The following BCL2L14 variants were observed in gnomAD, a reference collection of about 807,000 sequenced individuals.
The protein encoded by BCL2L14 is BCL2 like 14.
BCL2L14 carries 27 observed loss-of-function variants against 35.3 expected under a neutral mutation model. That is an observed-to-expected ratio of 0.76 (90% CI 0.56 to 1.05). The LOEUF (loss-of-function observed/expected upper bound fraction) is 1.05, where lower values mean the gene tolerates loss of function less well. Ranked by LOEUF, BCL2L14 falls within the 50% of genes least tolerant of loss-of-function variation. BCL2L14 has a pLI of 0.00. For synonymous variants in BCL2L14, 139 were observed against 145.9 expected (o/e 0.95, Z 0.34); for missense variants, 377 against 382.6 (o/e 0.99, Z 0.12).
At chr12:12,053,425 T>TC (rs766874221) in intron 2 of BCL2L14, among the ~76,000 whole-genome samples, 27 of 5,820 alleles carry the variant, frequency 4.6e-3, no homozygotes, top group Middle Eastern at 0.11. Context: ...TTCTTCTTCT[T>TC]TTTTTTTTTT....
intron 1 of BCL2L14, among the ~76,000 whole-genome samples, chr12:12,073,577 C>A (rs73066081): frequency 6.6e-6 from 1 of 151,788 alleles, no homozygotes; most frequent in Non-Finnish European, 1.5e-5. Context: ...CACATGCACA[C>A]GCACACACAA....
intron 4 of BCL2L14, among the ~76,000 whole-genome samples, chr12:12,091,399 G>A (rs1267476504): frequency 2.6e-5 from 4 of 152,188 alleles, no homozygotes; most frequent in African/African-American, 4.8e-5. Context: ...TTCCAATCAG[G>A]AACGGGTGAG....
At chr12:12,077,101 G>A (rs1948797353) in intron 1 of BCL2L14, among the ~76,000 whole-genome samples, 1 of 151,972 alleles carries the variant, frequency 6.6e-6, no homozygotes, top group Non-Finnish European at 1.5e-5. Context: ...GGTATGACAA[G>A]GTACAGTGGA....
intron 4 of BCL2L14, among the ~76,000 whole-genome samples, chr12:12,094,347 T>C (rs963796823): frequency 1.3e-5 from 2 of 152,202 alleles, no homozygotes; most frequent in Non-Finnish European, 2.9e-5. Context: ...CTGTGAGCCC[T>C]TTGAGTGAGG....
Position 12,094,887 on chromosome 12 carries a change from T to C in BCL2L14, c.902T>C (p.Leu301Pro). The change falls in exon 5 of 6, where the codon CTG becomes CCG. Residue 301 changes from leucine to proline, a missense_variant. Transcript: ENST00000308721. ...NRVLGFGTKYLKENFSPWIQQ... is the reference protein window; with the variant it reads ...NRVLGFGTKYPKENFSPWIQQ... ...GTCCTGGGCTTTGGCACCAAGTACC[T>C]GAAAGAGAACTTCTCGCCATGGATC... is the stretch of plus-strand genomic sequence containing the variant. The C allele has an allele frequency of 1.9e-6, 3 of 1,614,074 alleles. No homozygotes were observed. The highest frequency in any genetic ancestry group is 2.5e-6 in the Non-Finnish European group (3 of 1,180,048).
chr12:12,050,376 T>C (rs1368104017), intron 1 of BCL2L14, among the ~76,000 whole-genome samples: 2 of 141,574 alleles, frequency 1.4e-5, no homozygotes, highest in African/African-American at 5.3e-5. Flanking sequence ...GAGCTTGCAG[T>C]GAGCCTAGAT....
Position 12,087,224 on chromosome 12 carries a change from A to G in BCL2L14, c.445A>G (p.Lys149Glu). ...TTGTCTTGTTTCAGCTGTGGACCCC[A>G]AAGTCATTTCCATTGCCAACCGAGT... ...QCLEHEAVDP[K>E]VISIANRVAE... Residue 149 changes from lysine (K) to glutamate (E), a missense_variant, in exon 3 of 6, where the codon AAA (lysine) becomes GAA (glutamate). Coordinates refer to ENST00000308721, the MANE Select transcript of BCL2L14 (RefSeq NM_138723.2). 1.2e-6 allele frequency: 2 copies of G among 1,614,188 alleles called. No homozygotes were observed. The highest frequency in any genetic ancestry group is 3.3e-5 in the Admixed American group (2 of 60,022).
chr12:12,081,472 A>AT (rs1948922747), intron 2 of BCL2L14, among the ~76,000 whole-genome samples: 1 of 151,198 alleles, frequency 6.6e-6, no homozygotes, highest in Non-Finnish European at 1.5e-5. Flanking sequence ...AAAAAAAAAA[A>AT]AGACAGTTGC....
At chr12:12,083,492 C>A (rs191360895) in intron 2 of BCL2L14, among the ~76,000 whole-genome samples, 3 of 152,166 alleles carry the variant, frequency 2.0e-5, no homozygotes, top group Non-Finnish European at 4.4e-5. Context: ...GATTTGCTCA[C>A]GTGGAATGTT....
intron 1 of BCL2L14, among the ~76,000 whole-genome samples, chr12:12,072,861 T>G (rs753628499): frequency 6.8e-6 from 1 of 147,448 alleles, no homozygotes; most frequent in South Asian, 2.2e-4. Flanking sequence ...AAAAACTCTG[T>G]GTTTGTGTGG....
intron 2 of BCL2L14, among the ~76,000 whole-genome samples, chr12:12,061,133 A>G (rs1948518578): frequency 7.9e-6 from 1 of 126,390 alleles, no homozygotes; most frequent in African/African-American, 3.0e-5. Context: ...CCACCTGCCC[A>G]GTTCCCTTAT....
chr12:12,078,358 C>T (rs898476067), intron 1 of BCL2L14, among the ~76,000 whole-genome samples: 4 of 152,052 alleles, frequency 2.6e-5, no homozygotes, highest in Non-Finnish European at 4.4e-5. Flanking sequence ...CATTTCTCTT[C>T]CCTGAATTGG....
chr12:12,079,701 G>T lies in BCL2L14; in HGVS notation c.396G>T (p.Arg132Ser), dbSNP rs767369919. The stretch of plus-strand genomic sequence containing the variant: ...ATTCGCACAGCCAGCAGTGGTCCAG[G>T]TGTCTTTCTAACGTGGAGCAGTGCT... Reference protein sequence around the residue: ...YQDSHSQQWSRCLSNVEQCLE... With the variant: ...YQDSHSQQWSSCLSNVEQCLE... The change falls in exon 2 of 6, where the codon AGG becomes AGT. Residue 132 changes from arginine (R) to serine (S), a missense_variant. Physicochemically the swap from Arg to Ser is moderately radical, Grantham distance 110 (BLOSUM62 -1). Transcript: ENST00000308721. The T allele has an allele frequency of 6.2e-7, 1 of 1,614,202 alleles. No homozygotes were observed. Among genetic ancestry groups the T allele is most frequent in the African/African-American group, 1.3e-5 (1 of 75,062 alleles).
intron 2 of BCL2L14, among the ~76,000 whole-genome samples, chr12:12,082,895 ATTCTAT>A (rs534858697): frequency 7.2e-5 from 11 of 152,232 alleles, no homozygotes; most frequent in East Asian, 3.9e-4. Context: ...AGAGCCTCAC[ATTCTAT>A]TTCTATTTTG....
At chr12:12,070,538 G>T (rs545812081), upstream of BCL2L14, among the ~76,000 whole-genome samples, 1 of 152,088 alleles carries the variant, frequency 6.6e-6, no homozygotes, top group Admixed American at 6.5e-5. Context: ...TTAGCCAGGC[G>T]TGCTGGTGCA....
chr12:12,083,025 C>A (rs1390374779), intron 2 of BCL2L14, among the ~76,000 whole-genome samples: 18 of 152,102 alleles, frequency 1.2e-4, no homozygotes, highest in Non-Finnish European at 5.9e-5. Context: ...AGTGCAGTGG[C>A]CTGATCTCGG....
At chr12:12,066,095 G>A (rs1161975934), upstream of BCL2L14, among the ~76,000 whole-genome samples, 1 of 152,068 alleles carries the variant, frequency 6.6e-6, no homozygotes, top group Non-Finnish European at 1.5e-5. Context: ...CTGGCCGAGA[G>A]TTTTTCTTGT....
chr12:12,078,943 T>C (rs1397771246), intron 1 of BCL2L14, among the ~76,000 whole-genome samples: 1 of 152,172 alleles, frequency 6.6e-6, no homozygotes, highest in Non-Finnish European at 1.5e-5. Context: ...TCTACAGGCG[T>C]GCGCCACCAT....
At chr12:12,092,085 C>T (rs1481694362) in intron 4 of BCL2L14, among the ~76,000 whole-genome samples, 2 of 152,152 alleles carry the variant, frequency 1.3e-5, no homozygotes, top group Admixed American at 6.5e-5. Flanking sequence ...TTTAGACAAC[C>T]TCAAGGGCTC....
Sources: gnomAD v4.1 joint callset for allele counts (sites outside exome capture counted in the v4.1 genomes callset) on GRCh38, gnomAD v4.1.1 for gene constraint, MANE v1.5 for transcripts, NCBI Gene and HGNC (gene_info 2026-07-23, HGNC 2026-07-21) for gene names.